The following CDH17 variants were observed in gnomAD, a reference collection of about 807,000 sequenced individuals.
CDH17 encodes the protein cadherin 17, also known as cadherin-17.
In CDH17, 67 loss-of-function variants were observed where a neutral mutation model predicts 86.3. The observed-to-expected ratio is 0.78, with a 90% confidence interval of 0.64 to 0.95. CDH17 has a LOEUF of 0.95. CDH17 is among the 40% of genes least tolerant of loss of function. The pLI is 0.00. For missense variants in CDH17, 993 were observed against 1,017.6 expected (o/e 0.98, Z 0.33); for synonymous variants, 367 against 366.4 (o/e 1.00, Z -0.02).
chr8:94,198,783 T>C (rs1281731391), intron 1 of CDH17, among the ~76,000 whole-genome samples: 2 of 152,130 alleles, frequency 1.3e-5, no homozygotes, highest in Admixed American at 6.5e-5. Flanking sequence ...CAATGGATAT[T>C]TGCTTAATGA....
chr8:94,174,961 T>A (rs1187480940), intron 5 of CDH17, among the ~76,000 whole-genome samples: 1 of 152,208 alleles, frequency 6.6e-6, no homozygotes. Context: ...ATATAGTAAA[T>A]GTTGATAGAT....
intron 2 of CDH17, among the ~76,000 whole-genome samples, chr8:94,190,420 C>A (rs907239051): frequency 6.6e-6 from 1 of 152,202 alleles, no homozygotes; most frequent in Non-Finnish European, 1.5e-5. Context: ...CACAACAGCA[C>A]CTCTGAAGGC....
rs749348205 is a variant in CDH17 at position 94,170,493 on chromosome 8, G to A, written c.970C>T (p.Leu324=). Residue 324 remains leucine (L), a synonymous_variant, in exon 9 of 18, where the codon CTG becomes TTG. Coordinates refer to ENST00000027335, the MANE Select transcript of CDH17 (RefSeq NM_004063.4). ...DEYGKPLSYP[L]EIHVKVKDIN... ...TCTTTAACTTTTACATGAATTTCCAGCGGATATGAAAGTGGTTTTCCGTAC... is the reference window on the plus strand; with the variant it reads ...TCTTTAACTTTTACATGAATTTCCAACGGATATGAAAGTGGTTTTCCGTAC... 1.2e-5 allele frequency: 20 copies of A among 1,613,866 alleles called. No homozygotes were observed. The highest frequency in any genetic ancestry group is 1.7e-5 in the Non-Finnish European group (20 of 1,179,842).
intron 13 of CDH17, among the ~76,000 whole-genome samples, chr8:94,149,288 G>A (rs1189908046): frequency 6.6e-6 from 1 of 152,130 alleles, no homozygotes; most frequent in Non-Finnish European, 1.5e-5. Context: ...TGAACACCCA[G>A]TGGTGGAAAC....
intron 3 of CDH17, 140 bp downstream of exon 3, chr8:94,189,047 A>T: frequency 1.5e-6 from 1 of 671,992 alleles, no homozygotes; most frequent in Non-Finnish European, 2.6e-6. Context: ...CTCTCTGTTT[A>T]ACTTAGCTTC....
intron 15 of CDH17, 141 bp from the exon 16 acceptor site, chr8:94,131,133 A>T: frequency 1.6e-6 from 1 of 617,024 alleles, no homozygotes; most frequent in Non-Finnish European, 2.9e-6. Flanking sequence ...CATCCACATC[A>T]TTCCACATGT....
At chr8:94,167,316 CT>C (rs1813176542) in intron 9 of CDH17, among the ~76,000 whole-genome samples, 1 of 152,230 alleles carries the variant, frequency 6.6e-6, no homozygotes, top group South Asian at 2.1e-4. Flanking sequence ...TTGTAGGTCT[CT>C]TTATATGTAG....
intron 13 of CDH17, among the ~76,000 whole-genome samples, chr8:94,150,062 T>C (rs1356768100): frequency 6.6e-6 from 1 of 152,198 alleles, no homozygotes; most frequent in African/African-American, 2.4e-5. Context: ...GACAAGAGAA[T>C]CATTAAAAAA....
At chr8:94,185,313 A>ACACC (rs1359042770) in intron 3 of CDH17, among the ~76,000 whole-genome samples, 8 of 146,620 alleles carry the variant, frequency 5.5e-5, no homozygotes, top group African/African-American at 1.8e-4. Flanking sequence ...ACACACACAC[A>ACACC]CCCCTGTAAA....
chr8:94,177,441 A>T lies in CDH17; in HGVS notation c.285+146T>A, dbSNP rs1813395873. The T allele has an allele frequency of 4.9e-6, 4 of 809,420 alleles. No individual in the cohort carries two copies. The Admixed American group carries it at 9.0e-5, about 18-fold the overall frequency. 50.1% of individuals were successfully genotyped at this position (809,420 alleles called of 1,614,324 possible). A position where few individuals can be genotyped will look rare whatever the true frequency, so the allele number is the denominator to read the frequency against. On this transcript the variant is annotated intron_variant, in intron 4 of 17. Coordinates refer to ENST00000027335, the MANE Select transcript of CDH17 (RefSeq NM_004063.4). ...CCCCTCTGTAGTTGGTAAGAAATGGACATGTGAGGATTGCAAAGCGTCCCA... is the reference window on the plus strand; with the variant it reads ...CCCCTCTGTAGTTGGTAAGAAATGGTCATGTGAGGATTGCAAAGCGTCCCA...
At chr8:94,140,391 C>T (rs1431974417) in intron 15 of CDH17, among the ~76,000 whole-genome samples, 12 of 152,130 alleles carry the variant, frequency 7.9e-5, no homozygotes, top group African/African-American at 2.7e-4. Context: ...GATCACACCA[C>T]TGCACTGCAG....
intron 10 of CDH17, among the ~76,000 whole-genome samples, chr8:94,165,539 T>C (rs933766977): frequency 1.3e-5 from 2 of 152,200 alleles, no homozygotes; most frequent in African/African-American, 4.8e-5. Flanking sequence ...TGGCATCTGC[T>C]TCCCATAGGA....
intron 11 of CDH17, 63 bp downstream of exon 11, chr8:94,162,023 C>T: frequency 9.4e-7 from 1 of 1,058,218 alleles, no homozygotes. Context: ...GTCTCTATCC[C>T]AGAAGAAAGG....
intron 1 of CDH17, among the ~76,000 whole-genome samples, chr8:94,199,067 A>G (rs1586025433): frequency 1.0e-4 from 4 of 38,278 alleles, no homozygotes; most frequent in Non-Finnish European, 1.6e-4. Context: ...ATATATATAT[A>G]TATATATATA....
At chr8:94,140,202 A>C (rs1812610752) in intron 15 of CDH17, among the ~76,000 whole-genome samples, 1 of 152,168 alleles carries the variant, frequency 6.6e-6, no homozygotes, top group South Asian at 2.1e-4. Flanking sequence ...TGGGAGGCTC[A>C]CTTGAACCCA....
chr8:94,202,915 G>A (rs1159383452), intron 1 of CDH17: 1 of 295,004 alleles, frequency 3.4e-6, no homozygotes, highest in Admixed American at 4.3e-5. Flanking sequence ...TTCCTCCAAT[G>A]AGGACAGGAT....
chr8:94,170,557 G>A lies in CDH17; in HGVS notation c.916-10C>T, dbSNP rs768693215. ...CTGCATAAAAAACATACTACAACAGGAAAGTCAGAGTTAAGGCAAGACTCA... is the reference window on the plus strand; with the variant it reads ...CTGCATAAAAAACATACTACAACAGAAAAGTCAGAGTTAAGGCAAGACTCA... On this transcript the variant is annotated splice_polypyrimidine_tract_variant and intron_variant, in intron 8 of 17. Transcript: ENST00000027335. The A allele has an allele frequency of 7.4e-6, 12 of 1,612,926 alleles. No individual in the cohort carries two copies. In the African/African-American group the frequency reaches 1.6e-4, roughly 22 times the overall value.
chr8:94,192,872 C>T (rs1380274194), intron 2 of CDH17, among the ~76,000 whole-genome samples: 4 of 152,220 alleles, frequency 2.6e-5, no homozygotes, highest in Non-Finnish European at 4.4e-5. Flanking sequence ...AAATCTATCT[C>T]TTGGAAAAGA....
intron 15 of CDH17, among the ~76,000 whole-genome samples, chr8:94,136,768 C>A (rs962935214): frequency 1.3e-5 from 2 of 151,916 alleles, no homozygotes; most frequent in African/African-American, 4.8e-5. Flanking sequence ...TTTCTCTCCA[C>A]CTTTGGTCTT....
Sources: gnomAD v4.1 joint callset for allele counts (sites outside exome capture counted in the v4.1 genomes callset) on GRCh38, gnomAD v4.1.1 for gene constraint, MANE v1.5 for transcripts, NCBI Gene and HGNC (gene_info 2026-07-23, HGNC 2026-07-21) for gene names.